The following HS6ST3 variants were observed in gnomAD, a reference collection of about 807,000 sequenced individuals.
The protein encoded by HS6ST3 is heparan sulfate 6-O-sulfotransferase 3, also known as heparan-sulfate 6-O-sulfotransferase 3.
Under a neutral mutation model 36.7 loss-of-function variants are expected in HS6ST3, and 12 were observed. That is an observed-to-expected ratio of 0.33 (90% CI 0.21 to 0.53). The LOEUF (loss-of-function observed/expected upper bound fraction) is 0.53, where lower values mean the gene tolerates loss of function less well. Ranked by LOEUF, HS6ST3 falls within the 20% of genes least tolerant of loss-of-function variation. The pLI, the probability that HS6ST3 is intolerant of heterozygous loss-of-function variation, is 0.95. For missense variants in HS6ST3, 584 were observed against 640.9 expected (o/e 0.91, Z 0.96); for synonymous variants, 240 against 257.5 (o/e 0.93, Z 0.65).
intron 1 of HS6ST3, among the ~76,000 whole-genome samples, chr13:96,732,503 C>T (rs941711101): frequency 6.6e-6 from 1 of 151,772 alleles, no homozygotes. Context: ...TTCCATTAGT[C>T]TGTGTGTCTT....
intron 1 of HS6ST3, among the ~76,000 whole-genome samples, chr13:96,572,038 C>CT (rs1296613327): frequency 6.6e-6 from 1 of 152,232 alleles, no homozygotes; most frequent in Non-Finnish European, 1.5e-5. Context: ...AGCCAGAAGA[C>CT]TGTGCTCCAT....
intron 1 of HS6ST3, among the ~76,000 whole-genome samples, chr13:96,139,588 G>A (rs2054019905): frequency 7.0e-6 from 1 of 142,372 alleles, no homozygotes; most frequent in South Asian, 2.2e-4. Context: ...AGTTAATTTG[G>A]TATATATATA....
intron 1 of HS6ST3, among the ~76,000 whole-genome samples, chr13:96,310,032 A>G (rs1207663133): frequency 6.6e-6 from 1 of 152,166 alleles, no homozygotes; most frequent in South Asian, 2.1e-4. Flanking sequence ...GTCTACAATG[A>G]TTATTCCTAG....
At chr13:96,193,227 C>T (rs1442905765) in intron 1 of HS6ST3, among the ~76,000 whole-genome samples, 1 of 152,154 alleles carries the variant, frequency 6.6e-6, no homozygotes, top group Non-Finnish European at 1.5e-5. Context: ...CTATCTTGTT[C>T]CTGAACAAAA....
At chr13:96,144,868 A>G (rs1476059375) in intron 1 of HS6ST3, among the ~76,000 whole-genome samples, 3 of 129,144 alleles carry the variant, frequency 2.3e-5, no homozygotes, top group South Asian at 2.6e-4. Context: ...TTATTGTTCA[A>G]TTCCCATCTA....
intron 1 of HS6ST3, among the ~76,000 whole-genome samples, chr13:96,420,340 T>A (rs2055556607): frequency 6.6e-6 from 1 of 152,180 alleles, no homozygotes; most frequent in Non-Finnish European, 1.5e-5. Context: ...TTTCTGGAGA[T>A]CTTTATGCAT....
At chr13:96,401,861 A>G (rs1278345838) in intron 1 of HS6ST3, among the ~76,000 whole-genome samples, 1 of 152,188 alleles carries the variant, frequency 6.6e-6, no homozygotes, top group Non-Finnish European at 1.5e-5. Flanking sequence ...GGTGTGAGTC[A>G]CCGCACCCAG....
At chr13:96,245,695 C>T (rs2054581851) in intron 1 of HS6ST3, among the ~76,000 whole-genome samples, 1 of 152,124 alleles carries the variant, frequency 6.6e-6, no homozygotes, top group Non-Finnish European at 1.5e-5. Flanking sequence ...CTAGACACCC[C>T]ATACAAACTA....
chr13:96,549,133 C>T (rs901034755), intron 1 of HS6ST3, among the ~76,000 whole-genome samples: 17 of 152,182 alleles, frequency 1.1e-4, no homozygotes, highest in African/African-American at 4.1e-4. Context: ...CTCACCTCCT[C>T]ATAGTTTTAT....
At chr13:96,423,449 G>A (rs2055570727) in intron 1 of HS6ST3, among the ~76,000 whole-genome samples, 2 of 151,966 alleles carry the variant, frequency 1.3e-5, no homozygotes, top group Non-Finnish European at 2.9e-5. Flanking sequence ...AATAAAGTGA[G>A]TAGATTGGCT....
chr13:96,241,629 CTT>C (rs200980868), intron 1 of HS6ST3, among the ~76,000 whole-genome samples: 15 of 139,834 alleles, frequency 1.1e-4, no homozygotes, highest in Non-Finnish European at 9.4e-5. Flanking sequence ...AATTTACCAA[CTT>C]TTTTTTTTTT....
At chr13:96,604,330 G>A (rs1370815087) in intron 1 of HS6ST3, among the ~76,000 whole-genome samples, 1 of 152,102 alleles carries the variant, frequency 6.6e-6, no homozygotes, top group Admixed American at 6.5e-5. Flanking sequence ...TTAAAATAGA[G>A]TCAGTGGGTA....
intron 1 of HS6ST3, among the ~76,000 whole-genome samples, chr13:96,629,541 G>A (rs944749243): frequency 6.6e-6 from 1 of 152,126 alleles, no homozygotes; most frequent in Admixed American, 6.5e-5. Context: ...TCATGCATGC[G>A]TTCTCTCAAT....
chr13:96,574,655 G>A (rs1329428221), intron 1 of HS6ST3, among the ~76,000 whole-genome samples: 1 of 152,136 alleles, frequency 6.6e-6, no homozygotes, highest in African/African-American at 2.4e-5. Context: ...CTTAACTGAG[G>A]GGTGGTAGGT....
At chr13:96,734,025 G>A (rs992361146) in intron 1 of HS6ST3, among the ~76,000 whole-genome samples, 1 of 152,158 alleles carries the variant, frequency 6.6e-6, no homozygotes, top group Admixed American at 6.5e-5. Context: ...TTTTAAACAT[G>A]CACATCAGAT....
intron 1 of HS6ST3, among the ~76,000 whole-genome samples, chr13:96,145,267 C>A (rs1422009985): frequency 6.6e-6 from 1 of 151,218 alleles, no homozygotes; most frequent in African/African-American, 2.4e-5. Context: ...TACAGTCCCA[C>A]CAACAGTGTA....
chr13:96,604,642 A>T (rs773732920), intron 1 of HS6ST3, among the ~76,000 whole-genome samples: 5 of 152,226 alleles, frequency 3.3e-5, no homozygotes, highest in Admixed American at 2.0e-4. Context: ...TGCCATTATC[A>T]GAATTGAGCT....
chr13:96,111,729 AAT>A (rs1242148950), intron 1 of HS6ST3, among the ~76,000 whole-genome samples: 2 of 152,230 alleles, frequency 1.3e-5, no homozygotes, highest in Non-Finnish European at 2.9e-5. Context: ...GCAACTAGAC[AAT>A]ATAATGAAAA....
intron 1 of HS6ST3, among the ~76,000 whole-genome samples, chr13:96,830,361 C>T (rs1878751251): frequency 6.6e-6 from 1 of 152,164 alleles, no homozygotes; most frequent in African/African-American, 2.4e-5. Context: ...GCCCTAACAA[C>T]ATACAGGAAT....
Sources: gnomAD v4.1 joint callset for allele counts (sites outside exome capture counted in the v4.1 genomes callset) on GRCh38, gnomAD v4.1.1 for gene constraint, MANE v1.5 for transcripts, NCBI Gene and HGNC (gene_info 2026-07-23, HGNC 2026-07-21) for gene names.